Variants in CREBBP observed in about 807,000 individuals in gnomAD.
CREBBP encodes the protein CREB binding lysine acetyltransferase.
In CREBBP, 19 loss-of-function variants were observed where a neutral mutation model predicts 265.0. That is an observed-to-expected ratio of 0.07 (90% CI 0.05 to 0.11). CREBBP has a LOEUF of 0.11. CREBBP is among the 10% of genes least tolerant of loss of function. The pLI is 1.00. For missense variants in CREBBP, 2,525 were observed against 3,219.0 expected, an observed-to-expected ratio of 0.78 and a Z score of 5.22; for synonymous variants, 1,457 against 1,223.7, an observed-to-expected ratio of 1.19 and a Z score of -3.98.
intron 2 of CREBBP, among the ~76,000 whole-genome samples, chr16:3,841,542 G>A (rs1306832603): frequency 6.7e-6 from 1 of 150,110 alleles, no homozygotes; most frequent in Non-Finnish European, 1.5e-5. Context: ...TTAGGAGGCT[G>A]AGACTGGAGC....
chr16:3,743,946 G>A (rs1219910099), intron 23 of CREBBP, among the ~76,000 whole-genome samples: 1 of 152,020 alleles, frequency 6.6e-6, no homozygotes, highest in East Asian at 1.9e-4. Flanking sequence ...CAAGGTGGCG[G>A]GCGCCTGTAG....
chr16:3,730,469 C>T (rs1035883746), intron 30 of CREBBP: 1 of 158,576 alleles, frequency 6.3e-6, no homozygotes, highest in Admixed American at 6.0e-5. Context: ...GAAAACTGCT[C>T]GCACCTGGCA....
intron 10 of CREBBP, 152 bp from the exon 11 acceptor site, chr16:3,777,809 A>G: frequency 9.1e-7 from 1 of 1,097,568 alleles, no homozygotes. Context: ...ATGCCAGCGC[A>G]CCCTGTAAAG....
chr16:3,849,176 C>T (rs1035533064), intron 2 of CREBBP, among the ~76,000 whole-genome samples: 2 of 152,140 alleles, frequency 1.3e-5, no homozygotes, highest in Admixed American at 6.6e-5. Context: ...CGCAGAGCAT[C>T]CACAGTGTTT....
chr16:3,873,571 T>C (rs2055342549), intron 1 of CREBBP, among the ~76,000 whole-genome samples: 1 of 152,204 alleles, frequency 6.6e-6, no homozygotes, highest in South Asian at 2.1e-4. Flanking sequence ...ACAACGTCCC[T>C]GGTTAACGCT....
intron 28 of CREBBP, among the ~76,000 whole-genome samples, chr16:3,733,004 A>T (rs999383954): frequency 1.3e-5 from 2 of 152,070 alleles, no homozygotes; most frequent in African/African-American, 2.4e-5. Flanking sequence ...CCAGCCAGAG[A>T]GTTTCATTTT....
intron 28 of CREBBP, among the ~76,000 whole-genome samples, chr16:3,732,392 G>C (rs752867349): frequency 1.3e-5 from 2 of 152,072 alleles, no homozygotes; most frequent in Non-Finnish European, 2.9e-5. Flanking sequence ...TCAAGAGCAG[G>C]GACTCTGAGG....
chr16:3,793,721 A>G, intron 3 of CREBBP, 95 bp from the exon 4 acceptor site: 1 of 1,408,732 alleles, frequency 7.1e-7, no homozygotes, highest in South Asian at 1.2e-5. Context: ...AAGCTGATGG[A>G]TAATACCGAC....
chr16:3,865,381 A>G (rs765758429), intron 1 of CREBBP, among the ~76,000 whole-genome samples: 4 of 152,252 alleles, frequency 2.6e-5, no homozygotes, highest in East Asian at 1.9e-4. Context: ...GGAATGGTAG[A>G]CAACTGTAAG....
chr16:3,844,061 T>C (rs895426362), intron 2 of CREBBP, among the ~76,000 whole-genome samples: 2 of 134,038 alleles, frequency 1.5e-5, no homozygotes, highest in African/African-American at 2.9e-5. Context: ...GGCAGGAGAA[T>C]GGCGTGAACC....
rs180861490 is a variant in CREBBP at position 3,851,637 on chromosome 16, G to C, written c.86-628C>G. The stretch of plus-strand genomic sequence containing the variant: ...TGGGAGGCTGAGGCAGGCGGATCAC[G>C]AGGTCAGGAGAGCGAGACCATCCTG... On this transcript the variant is annotated intron_variant, in intron 1 of 30. Transcript: ENST00000262367. Among the ~76,000 whole-genome samples, 828 of 152,104 alleles carry C rather than the reference G, an allele frequency of 5.4e-3. 10 individuals carry two copies. The highest frequency in any genetic ancestry group is 0.019 in the African/African-American group (797 of 41,518).
rs1003899737 is a variant in CREBBP, at chr16:3,774,479, G to A, written c.2283+90C>T. 1.2e-5 allele frequency: 18 copies of A among 1,563,988 alleles called. No homozygotes were observed. In the Admixed American group the frequency reaches 1.8e-4, roughly 16 times the overall value. ...CAAATTCAAAGGAACAAGAACCACA[G>A]GATTCTCAAGTGACATGAATTCTGC... On this transcript the variant is annotated intron_variant, in intron 12 of 30. Coordinates refer to ENST00000262367, the MANE Select transcript of CREBBP (RefSeq NM_004380.3).
At chr16:3,730,106 C>T (rs2051873275) in intron 30 of CREBBP, among the ~76,000 whole-genome samples, 1 of 152,156 alleles carries the variant, frequency 6.6e-6, no homozygotes, top group Admixed American at 6.5e-5. Flanking sequence ...GGATCATGGA[C>T]AGGACGGGGG....
intron 19 of CREBBP, among the ~76,000 whole-genome samples, chr16:3,754,585 A>T (rs2052546311): frequency 6.6e-6 from 1 of 152,226 alleles, no homozygotes; most frequent in Admixed American, 6.5e-5. Flanking sequence ...AATTTAATAT[A>T]TGGACTAAGT....
chr16:3,816,250 T>C (rs2054034291), intron 2 of CREBBP, among the ~76,000 whole-genome samples: 1 of 152,304 alleles, frequency 6.6e-6, no homozygotes, highest in African/African-American at 2.4e-5. Context: ...ACCAAGCGTA[T>C]CAATCAATTA....
Position 3,770,678 on chromosome 16 carries a change from G to A in CREBBP, c.2772C>T (p.Ala924=), listed in dbSNP as rs2141200121. 1 of 1,614,046 alleles carries A rather than the reference G, an allele frequency of 6.2e-7. No individual in the cohort carries two copies. The highest frequency in any genetic ancestry group is 8.5e-7 in the Non-Finnish European group (1 of 1,180,012). ...STPTVQAAAQ[A]QVTPQPQTPV... is the part of the protein sequence containing the mutation. ...GGGTTTGAGGCTGCGGGGTCACCTG[G>A]GCCTGGGCTGCTGCCTGGACTGTAG... Residue 924 remains alanine, a synonymous_variant, in exon 14 of 31, where the codon GCC becomes GCT. Transcript: ENST00000262367.
chr16:3,872,220 C>G (rs2055314008), intron 1 of CREBBP, among the ~76,000 whole-genome samples: 2 of 152,098 alleles, frequency 1.3e-5, no homozygotes, highest in Admixed American at 6.6e-5. Flanking sequence ...CCTATATTGT[C>G]TAGGAACTTA....
intron 19 of CREBBP, among the ~76,000 whole-genome samples, chr16:3,754,624 T>C (rs905610271): frequency 1.3e-5 from 2 of 152,196 alleles, no homozygotes; most frequent in African/African-American, 4.8e-5. Context: ...TTAAGTACCA[T>C]ATCAGTACAT....
rs1047973121 is a variant in CREBBP at position 3,864,604 on chromosome 16, C to T, written c.86-13595G>A. ...TGGAGGCTACAGTGAGTCAAGATCACGTCACTGCACTCCATCCTGGGTGAC... is the reference window on the plus strand; with the variant it reads ...TGGAGGCTACAGTGAGTCAAGATCATGTCACTGCACTCCATCCTGGGTGAC... On this transcript the variant is annotated intron_variant, in intron 1 of 30. Transcript: ENST00000262367. Among the ~76,000 whole-genome samples, 20 of 152,234 alleles carry T rather than the reference C, an allele frequency of 1.3e-4. 1 individual carries two copies. Among genetic ancestry groups the T allele is most frequent in the African/African-American group, 4.3e-4 (18 of 41,540 alleles).
Sources: allele counts gnomAD v4.1 joint callset (sites outside exome capture counted in the v4.1 genomes callset), GRCh38; gene constraint gnomAD v4.1.1; transcripts MANE v1.5; gene names NCBI Gene and HGNC (gene_info 2026-07-23, HGNC 2026-07-21).